The following ERC2 variants were observed in gnomAD, a reference collection of about 807,000 sequenced individuals.
ERC2 encodes the protein ELKS/RAB6-interacting/CAST family member 2.
In ERC2, 42 loss-of-function variants were observed where a neutral mutation model predicts 114.8. The observed-to-expected ratio is 0.37, with a 90% CI of 0.29 to 0.47. The LOEUF is 0.47. Among genes scored for constraint, ERC2 ranks in the 20% least tolerant of loss-of-function variants. The pLI is 0.99. For missense variants in ERC2, 939 were observed against 1,150.7 expected, an observed-to-expected ratio of 0.82 and a Z score of 2.66; for synonymous variants, 454 against 425.5, an observed-to-expected ratio of 1.07 and a Z score of -0.82.
intron 17 of ERC2, among the ~76,000 whole-genome samples, chr3:55,533,337 C>G (rs532101373): frequency 6.6e-6 from 1 of 152,256 alleles, no homozygotes; most frequent in East Asian, 1.9e-4. Flanking sequence ...GGCTCATGAC[C>G]GTTCAAAGGT....
Position 56,147,285 on chromosome 3 carries a change from G to A in ERC2, c.1305+1692C>T, listed in dbSNP as rs537003017. Among the ~76,000 whole-genome samples, 89 of 152,306 alleles carry A rather than the reference G, an allele frequency of 5.8e-4. 1 individual carries two copies. The highest frequency in any genetic ancestry group is 2.0e-3 in the African/African-American group (83 of 41,558). ...CAAGAAAGAAACCAGAGGAAGGACT[G>A]CGCAGGGAAACTTATTCTAAACTTT... is the stretch of plus-strand genomic sequence containing the variant. On this transcript the variant is annotated intron_variant, in intron 5 of 17. Transcript: ENST00000288221.
chr3:55,952,582 T>C (rs1462784197), intron 12 of ERC2, among the ~76,000 whole-genome samples: 1 of 152,204 alleles, frequency 6.6e-6, no homozygotes, highest in Non-Finnish European at 1.5e-5. Context: ...CAGAGCTCAG[T>C]AACAGGATGT....
intron 1 of ERC2, among the ~76,000 whole-genome samples, chr3:56,441,175 C>T (rs1016375013): frequency 6.6e-6 from 1 of 152,148 alleles, no homozygotes; most frequent in African/African-American, 2.4e-5. Flanking sequence ...CCACACAGAA[C>T]GGCCCTGGAA....
intron 7 of ERC2, among the ~76,000 whole-genome samples, chr3:56,032,959 C>CAGAAAGAAAGAA (rs1224864548): frequency 2.3e-4 from 9 of 38,676 alleles, no homozygotes; most frequent in African/African-American, 8.0e-4. Flanking sequence ...AAGAAAGAAA[C>CAGAAAGAAAGAA]AGAAAGAAAG....
chr3:56,180,682 T>G (rs1034032805), intron 3 of ERC2, among the ~76,000 whole-genome samples: 28 of 152,138 alleles, frequency 1.8e-4, no homozygotes, highest in Non-Finnish European at 2.9e-5. Context: ...GTATAATGGG[T>G]ACAGAGTTTC....
intron 7 of ERC2, among the ~76,000 whole-genome samples, chr3:56,046,851 A>G (rs1422895881): frequency 1.3e-5 from 2 of 152,208 alleles, no homozygotes; most frequent in African/African-American, 2.4e-5. Flanking sequence ...TCAAAGTTTA[A>G]TGTTGTTCAT....
chr3:55,854,591 G>C lies in ERC2; in HGVS notation c.2564+33798C>G, dbSNP rs529877656. On this transcript the variant is annotated intron_variant, in intron 14 of 17. Transcript: ENST00000288221. ...GGCCCCCTGATTTAAGAGTCTTCTC[G>C]TGTGAAATGCATCCAGCCCAGATCC... is the stretch of plus-strand genomic sequence containing the variant. Among the ~76,000 whole-genome samples the C allele has an allele frequency of 1.4e-4, 22 of 152,136 alleles. No individual in the cohort carries two copies. The East Asian group carries it at 3.1e-3, about 21-fold the overall frequency.
At chr3:55,703,508 A>G (rs888981455) in intron 15 of ERC2, among the ~76,000 whole-genome samples, 11 of 152,250 alleles carry the variant, frequency 7.2e-5, no homozygotes, top group Non-Finnish European at 1.5e-4. Flanking sequence ...GGTCTCTGCC[A>G]TCACAGAACT....
At chr3:55,635,679 C>T (rs1263954635) in intron 17 of ERC2, among the ~76,000 whole-genome samples, 1 of 152,064 alleles carries the variant, frequency 6.6e-6, no homozygotes, top group Non-Finnish European at 1.5e-5. Flanking sequence ...GTGTGAGCCA[C>T]TGCGCCCAGC....
intron 14 of ERC2, among the ~76,000 whole-genome samples, chr3:55,822,654 T>A (rs1442526731): frequency 3.4e-5 from 5 of 145,860 alleles, no homozygotes; most frequent in Non-Finnish European, 7.4e-5. Flanking sequence ...AAGCTCCGCC[T>A]CCTGGGTTCA....
intron 2 of ERC2, among the ~76,000 whole-genome samples, chr3:56,387,435 A>G (rs909088607): frequency 6.6e-6 from 1 of 152,192 alleles, no homozygotes; most frequent in Admixed American, 6.5e-5. Context: ...GAACACACTA[A>G]TAAAATGGGC....
In ERC2 at chr3:55,613,623, T is replaced by C. The variant is rs555798892; in HGVS notation, c.*39+70171A>G. On this transcript the variant is annotated intron_variant, in intron 17 of 17. Coordinates refer to ENST00000288221, the MANE Select transcript of ERC2 (RefSeq NM_015576.3). ...TGGATTCTTATGCCTTGCTTTTCTCTTCCTCCTGTTTGTGTGGGAAGTGAA... is the reference window on the plus strand; with the variant it reads ...TGGATTCTTATGCCTTGCTTTTCTCCTCCTCCTGTTTGTGTGGGAAGTGAA... Among the ~76,000 whole-genome samples the C allele has an allele frequency of 1.3e-5, 2 of 152,264 alleles. 1 individual carries two copies. The highest frequency in any genetic ancestry group is 4.1e-4 in the South Asian group (2 of 4,824).
chr3:55,873,296 T>C (rs1392435322), intron 14 of ERC2, among the ~76,000 whole-genome samples: 1 of 152,178 alleles, frequency 6.6e-6, no homozygotes, highest in Non-Finnish European at 1.5e-5. Flanking sequence ...GTGCCATTGT[T>C]AAACACATGG....
intron 13 of ERC2, among the ~76,000 whole-genome samples, chr3:55,907,946 G>A (rs2064559487): frequency 6.6e-6 from 1 of 152,182 alleles, no homozygotes; most frequent in South Asian, 2.1e-4. Flanking sequence ...ACAGGGAGGA[G>A]CAGAGTGTTA....
intron 2 of ERC2, among the ~76,000 whole-genome samples, chr3:56,426,996 T>TAAA (rs537295354): frequency 8.3e-4 from 66 of 79,544 alleles, no homozygotes; most frequent in Non-Finnish European, 9.1e-4. Context: ...ACCTCATCTC[T>TAAA]AAAAAAAAAA....
At chr3:56,032,977 G>GAGAAAGAA (rs1553782152) in intron 7 of ERC2, among the ~76,000 whole-genome samples, 119 of 45,448 alleles carry the variant, frequency 2.6e-3, no homozygotes, top group African/African-American at 5.9e-3. Context: ...AAGAAAGAAA[G>GAGAAAGAA]AGAAAGAAAG....
chr3:55,981,925 C>A (rs1015407548), intron 12 of ERC2, among the ~76,000 whole-genome samples: 1 of 152,116 alleles, frequency 6.6e-6, no homozygotes, highest in Non-Finnish European at 1.5e-5. Flanking sequence ...GCATGACTGC[C>A]GCCTCCCATG....
chr3:55,629,407 TA>T (rs1392969313), intron 17 of ERC2, among the ~76,000 whole-genome samples: 6 of 152,246 alleles, frequency 3.9e-5, no homozygotes, highest in Admixed American at 3.9e-4. Context: ...CATTGAAACT[TA>T]CAGTGACTTG....
intron 3 of ERC2, among the ~76,000 whole-genome samples, chr3:56,226,775 A>T (rs886338948): frequency 6.6e-6 from 1 of 151,880 alleles, no homozygotes. Context: ...CTCCGTCTTA[A>T]CTCCTAACAT....
Sources: allele counts gnomAD v4.1 joint callset (sites outside exome capture counted in the v4.1 genomes callset), GRCh38; gene constraint gnomAD v4.1.1; transcripts MANE v1.5; gene names NCBI Gene and HGNC (gene_info 2026-07-23, HGNC 2026-07-21).